Variants in NEGR1 observed in about 807,000 individuals in gnomAD.
NEGR1 encodes the protein IgLON family member 4.
A neutral mutation model predicts 40.9 loss-of-function variants in NEGR1; 10 were observed. That is an observed-to-expected ratio of 0.24 (90% confidence interval 0.15 to 0.42). The LOEUF is 0.42. NEGR1 is among the 10% of genes least tolerant of loss of function. The pLI, the probability that NEGR1 is intolerant of heterozygous loss-of-function variation, is 1.00. For missense variants in NEGR1, 352 were observed against 438.9 expected, an observed-to-expected ratio of 0.80 and a Z score of 1.77; for synonymous variants, 185 against 166.8, an observed-to-expected ratio of 1.11 and a Z score of -0.84.
chr1:71,853,845 T>C (rs1659684176), intron 2 of NEGR1, among the ~76,000 whole-genome samples: 1 of 152,172 alleles, frequency 6.6e-6, no homozygotes, highest in Admixed American at 6.6e-5. Context: ...GTTCTCACTT[T>C]GGTTATTAGC....
At chr1:71,946,951 T>G (rs1219439122) in intron 1 of NEGR1, among the ~76,000 whole-genome samples, 7 of 151,204 alleles carry the variant, frequency 4.6e-5, no homozygotes, top group Admixed American at 2.6e-4. Context: ...CATGGTGGTG[T>G]GCTCCTGTAG....
chr1:71,545,047 A>C (rs367743907), intron 6 of NEGR1, among the ~76,000 whole-genome samples: 43 of 151,754 alleles, frequency 2.8e-4, no homozygotes, highest in African/African-American at 9.9e-4. Flanking sequence ...TGCCAGAAAG[A>C]CTATTAATTA....
intron 1 of NEGR1, among the ~76,000 whole-genome samples, chr1:72,144,750 C>G (rs567528028): frequency 6.6e-6 from 1 of 152,036 alleles, no homozygotes; most frequent in Non-Finnish European, 1.5e-5. Flanking sequence ...TAGTGGAACT[C>G]CATACTTCAA....
chr1:71,969,110 G>A (rs192218590), intron 1 of NEGR1, among the ~76,000 whole-genome samples: 2 of 152,062 alleles, frequency 1.3e-5, no homozygotes, highest in African/African-American at 4.8e-5. Flanking sequence ...TACCTCCCAG[G>A]TTCAAGCGAT....
intron 4 of NEGR1, among the ~76,000 whole-genome samples, chr1:71,659,337 G>T (rs547395002): frequency 8.5e-5 from 13 of 152,124 alleles, no homozygotes; most frequent in Non-Finnish European, 1.3e-4. Context: ...TCCCCAATAT[G>T]GATTACTCTT....
intron 6 of NEGR1, among the ~76,000 whole-genome samples, chr1:71,521,544 G>A (rs1319981084): frequency 6.6e-6 from 1 of 151,962 alleles, no homozygotes; most frequent in Non-Finnish European, 1.5e-5. Flanking sequence ...TATTTCTTGA[G>A]TACATCATCC....
At chr1:71,775,382 C>T (rs1656466980) in intron 3 of NEGR1, among the ~76,000 whole-genome samples, 2 of 150,352 alleles carry the variant, frequency 1.3e-5, no homozygotes, top group African/African-American at 4.9e-5. Flanking sequence ...GGTCTTGCTC[C>T]GCACCCAGGC....
At chr1:71,457,133 A>G (rs556504996) in intron 6 of NEGR1, among the ~76,000 whole-genome samples, 4 of 152,188 alleles carry the variant, frequency 2.6e-5, no homozygotes, top group South Asian at 4.2e-4. Flanking sequence ...TTCACAAGGC[A>G]TCTCACTTCT....
At chr1:72,091,800 C>T (rs112803572) in intron 1 of NEGR1, among the ~76,000 whole-genome samples, 2 of 152,080 alleles carry the variant, frequency 1.3e-5, no homozygotes, top group African/African-American at 4.8e-5. Context: ...CCTGGACACA[C>T]AGAAGTCCAA....
At chr1:71,798,946 CA>C (rs1476696029) in intron 2 of NEGR1, among the ~76,000 whole-genome samples, 1 of 152,060 alleles carries the variant, frequency 6.6e-6, no homozygotes, top group African/African-American at 2.4e-5. Flanking sequence ...AGACAGTTAT[CA>C]CTCTGCATTA....
chr1:71,794,715 T>C (rs944341986), intron 2 of NEGR1, among the ~76,000 whole-genome samples: 1 of 152,044 alleles, frequency 6.6e-6, no homozygotes, highest in African/African-American at 2.4e-5. Context: ...ACAAGCCAGA[T>C]GAAAAAGATT....
intron 1 of NEGR1, among the ~76,000 whole-genome samples, chr1:72,242,670 ATGT>A (rs1463263367): frequency 6.6e-6 from 1 of 151,706 alleles, no homozygotes; most frequent in Non-Finnish European, 1.5e-5. Context: ...TCAGGCACTT[ATGT>A]GCCAGAGACT....
intron 2 of NEGR1, among the ~76,000 whole-genome samples, chr1:71,888,462 A>C (rs2101851080): frequency 6.6e-6 from 1 of 151,972 alleles, no homozygotes; most frequent in South Asian, 2.1e-4. Context: ...TGACGGACGC[A>C]CCTGGAAAAT....
At chr1:71,648,918 G>A (rs543464291) in intron 4 of NEGR1, among the ~76,000 whole-genome samples, 167 of 151,828 alleles carry the variant, frequency 1.1e-3, no homozygotes, top group African/African-American at 3.8e-3. Flanking sequence ...TTCTTCATTC[G>A]TTCCATTCAG....
At chr1:71,830,937 T>A (rs550641421) in intron 2 of NEGR1, among the ~76,000 whole-genome samples, 1 of 151,810 alleles carries the variant, frequency 6.6e-6, no homozygotes, top group Non-Finnish European at 1.5e-5. Context: ...CACACCATAG[T>A]TGTGGGAAAA....
At chr1:71,432,155 T>G (rs1569863625) in intron 6 of NEGR1, among the ~76,000 whole-genome samples, 1 of 152,164 alleles carries the variant, frequency 6.6e-6, no homozygotes, top group East Asian at 1.9e-4. Flanking sequence ...AGCAGAGGAG[T>G]GACATGTTCT....
chr1:72,096,375 C>T (rs1479198245), intron 1 of NEGR1, among the ~76,000 whole-genome samples: 1 of 152,006 alleles, frequency 6.6e-6, no homozygotes, highest in Non-Finnish European at 1.5e-5. Context: ...AGAAGTTAAA[C>T]TAATAGGATA....
intron 1 of NEGR1, among the ~76,000 whole-genome samples, chr1:72,103,903 C>T (rs563091231): frequency 6.6e-6 from 1 of 152,052 alleles, no homozygotes; most frequent in African/African-American, 2.4e-5. Flanking sequence ...AGGAATGATG[C>T]TATACAGACA....
At chr1:71,562,224 C>T (rs1648485036) in intron 6 of NEGR1, among the ~76,000 whole-genome samples, 1 of 151,748 alleles carries the variant, frequency 6.6e-6, no homozygotes, top group South Asian at 2.1e-4. Context: ...GAAAAATAAA[C>T]TTTCTTAGTA....
Sources: gnomAD v4.1 joint callset for allele counts (sites outside exome capture counted in the v4.1 genomes callset) on GRCh38, gnomAD v4.1.1 for gene constraint, MANE v1.5 for transcripts, NCBI Gene and HGNC (gene_info 2026-07-23, HGNC 2026-07-21) for gene names.